The following STK31 variants were observed in gnomAD, a reference collection of about 807,000 sequenced individuals.
STK31 encodes the protein serine/threonine-protein kinase 31.
Under a neutral mutation model 129.7 loss-of-function variants are expected in STK31, and 89 were observed. That is an observed-to-expected ratio of 0.69 (90% CI 0.58 to 0.82). STK31 has a LOEUF of 0.82. STK31 is among the 40% of genes least tolerant of loss of function. STK31 has a pLI of 0.00. For synonymous variants in STK31, 448 were observed against 395.3 expected, an observed-to-expected ratio of 1.13 and a Z score of -1.58; for missense variants, 1,187 against 1,176.4, an observed-to-expected ratio of 1.01 and a Z score of -0.13.
At chr7:23,762,072 T>A (rs7810431) in intron 10 of STK31, among the ~76,000 whole-genome samples, 148,069 of 151,106 alleles carry the variant, frequency 0.98, 72,642 homozygotes, top group East Asian at 1. Context: ...TAATAGAGAT[T>A]AAAACTTTTT....
intron 14 of STK31, chr7:23,771,784 TATTA>T (rs1562589100): frequency 6.4e-6 from 1 of 155,934 alleles, no homozygotes; most frequent in Non-Finnish European, 1.4e-5. Context: ...GAATGGACAT[TATTA>T]ATTAAAACTT....
chr7:23,803,870 C>A (rs535431223), intron 22 of STK31, among the ~76,000 whole-genome samples: 1 of 152,136 alleles, frequency 6.6e-6, no homozygotes, highest in African/African-American at 2.4e-5. Context: ...ATAGTTTTAT[C>A]ATGACACCAT....
chr7:23,736,105 T>A (rs969941823), intron 7 of STK31, among the ~76,000 whole-genome samples: 1 of 152,224 alleles, frequency 6.6e-6, no homozygotes, highest in Non-Finnish European at 1.5e-5. Flanking sequence ...AAATAACTCC[T>A]GAATTATTTT....
intron 22 of STK31, among the ~76,000 whole-genome samples, chr7:23,803,437 G>T (rs1307839756): frequency 6.6e-6 from 1 of 152,112 alleles, no homozygotes; most frequent in Non-Finnish European, 1.5e-5. Flanking sequence ...GATATTTTGG[G>T]CATATCAAAG....
At chr7:23,805,967 T>C (rs2128122878) in intron 22 of STK31, among the ~76,000 whole-genome samples, 1 of 152,340 alleles carries the variant, frequency 6.6e-6, no homozygotes, top group Admixed American at 6.5e-5. Context: ...ATGAGAATTT[T>C]GTGTGTCAGA....
intron 10 of STK31, among the ~76,000 whole-genome samples, chr7:23,755,878 A>G (rs192585926): frequency 2.0e-5 from 3 of 152,204 alleles, no homozygotes; most frequent in Non-Finnish European, 2.9e-5. Context: ...TACCAGTAGC[A>G]TGCTGTTTTG....
chr7:23,818,888 G>A (rs954912641), intron 23 of STK31, among the ~76,000 whole-genome samples: 1 of 152,304 alleles, frequency 6.6e-6, no homozygotes, highest in East Asian at 1.9e-4. Context: ...GCCTCCCAAA[G>A]TTCTGGGATT....
chr7:23,722,497 A>T (rs973086111), intron 4 of STK31: 2 of 152,546 alleles, frequency 1.3e-5, no homozygotes, highest in African/African-American at 4.8e-5. Context: ...GTCTGCCCCT[A>T]CTGGGGGGTG....
Position 23,786,596 on chromosome 7 carries a change from C to T in STK31, c.2363C>T (p.Ser788Leu). 3 of 1,613,750 alleles carry T rather than the reference C, an allele frequency of 1.9e-6. No individual in the cohort carries two copies. The highest frequency in any genetic ancestry group is 1.1e-5 in the South Asian group (1 of 91,040). ...GCTTGGAGAGAAGCTGAAGGAGACTCAGGGTTACTGCCATTGATATTCCTG... is the reference window on the plus strand; with the variant it reads ...GCTTGGAGAGAAGCTGAAGGAGACTTAGGGTTACTGCCATTGATATTCCTG... ...HRAWREAEGD[S>L]GLLPLIFLFL... Residue 788 changes from serine to leucine, a missense_variant, in exon 19 of 24, where the codon TCA becomes TTA. Ser to Leu is a moderately radical substitution (Grantham distance 145, BLOSUM62 -2). This residue lies in a region of STK31 where 975 missense variants were observed against 934.9 expected (regional missense o/e 1.04). Transcript: ENST00000355870.
At position 23,729,106 on chromosome 7, in the gene STK31, A is replaced by G. The variant is rs760982588; in HGVS notation, c.340A>G (p.Ile114Val). Reference protein sequence around the residue: ...ISVEKCLVRYIDYGNTEILNR... With the variant: ...ISVEKCLVRYVDYGNTEILNR... ...TTTTTTCCAGTGTCTGGTGAGGTAC[A>G]TTGACTATGGAAATACTGAAATTCT... The change falls in exon 6 of 24, where the codon ATT (isoleucine) becomes GTT (valine). Residue 114 changes from isoleucine (I) to valine (V), a missense_variant. Transcript: ENST00000355870. The G allele has an allele frequency of 2.5e-6, 4 of 1,608,588 alleles. No homozygotes were observed. Among genetic ancestry groups the G allele is most frequent in the Admixed American group, 1.7e-5 (1 of 59,160 alleles).
At chr7:23,736,310 T>G (rs538011982) in intron 7 of STK31, among the ~76,000 whole-genome samples, 1 of 152,324 alleles carries the variant, frequency 6.6e-6, no homozygotes, top group African/African-American at 2.4e-5. Context: ...TGAGGCTCTT[T>G]CTTCTTCTTG....
intron 20 of STK31, among the ~76,000 whole-genome samples, chr7:23,787,772 AC>A (rs1228524919): frequency 2.7e-5 from 4 of 150,904 alleles, no homozygotes; most frequent in Admixed American, 6.6e-5. Flanking sequence ...ACACACACAC[AC>A]ACACACACAA....
chr7:23,797,936 G>A (rs1177179064), intron 22 of STK31, among the ~76,000 whole-genome samples: 1 of 152,150 alleles, frequency 6.6e-6, no homozygotes, highest in African/African-American at 2.4e-5. Context: ...TGATCCCACA[G>A]AAATCCAAGC....
intron 8 of STK31, among the ~76,000 whole-genome samples, chr7:23,750,755 A>G (rs1487576442): frequency 6.6e-6 from 1 of 152,110 alleles, no homozygotes; most frequent in East Asian, 1.9e-4. Context: ...TTCTTGGTAC[A>G]TAGTATTTGT....
intron 8 of STK31, among the ~76,000 whole-genome samples, chr7:23,747,032 G>C (rs957149172): frequency 2.6e-5 from 4 of 151,954 alleles, no homozygotes; most frequent in African/African-American, 7.3e-5. Context: ...TGTTGTTCAG[G>C]CATCAACTAT....
intron 22 of STK31, among the ~76,000 whole-genome samples, chr7:23,810,185 A>G (rs938274715): frequency 6.6e-6 from 1 of 152,028 alleles, no homozygotes; most frequent in African/African-American, 2.4e-5. Flanking sequence ...TCTTTGCTCT[A>G]ATGTCTACTT....
chr7:23,749,246 C>T (rs1467442235), intron 8 of STK31, among the ~76,000 whole-genome samples: 2 of 152,166 alleles, frequency 1.3e-5, no homozygotes, highest in Admixed American at 6.5e-5. Context: ...ATAATTCCAA[C>T]ATCCCGTCTA....
intron 22 of STK31, among the ~76,000 whole-genome samples, chr7:23,809,383 C>T (rs1053946406): frequency 7.9e-5 from 12 of 152,092 alleles, no homozygotes; most frequent in African/African-American, 2.7e-4. Context: ...TAAATCCTAT[C>T]CTCATTCTTC....
At chr7:23,727,352 G>T in intron 5 of STK31, 37 bp downstream of exon 5, 1 of 1,592,320 alleles carries the variant, frequency 6.3e-7, no homozygotes, top group East Asian at 2.2e-5. Context: ...TTTGCTTTAA[G>T]AAATATTTAT....
Sources: allele counts gnomAD v4.1 joint callset (sites outside exome capture counted in the v4.1 genomes callset), GRCh38; gene constraint gnomAD v4.1.1; regional missense constraint gnomAD v4.1.1; transcripts MANE v1.5; gene names NCBI Gene and HGNC (gene_info 2026-07-23, HGNC 2026-07-21).